Variants in PKN3 observed in about 807,000 individuals in gnomAD.
The protein encoded by PKN3 is protein kinase N3.
A neutral mutation model predicts 113.1 loss-of-function variants in PKN3; 91 were observed. That is an observed-to-expected ratio of 0.80 (90% CI 0.68 to 0.96). The LOEUF (loss-of-function observed/expected upper bound fraction) is 0.96, where lower values mean the gene tolerates loss of function less well. PKN3 is among the 40% of genes least tolerant of loss of function. PKN3 has a pLI of 0.00. For missense variants in PKN3, 1,052 were observed against 1,202.2 expected (o/e 0.88, Z 1.85); for synonymous variants, 467 against 499.0 (o/e 0.94, Z 0.85).
At chr9:128,713,459 G>A (rs763918911) in intron 8 of PKN3, 40 bp from the exon 9 acceptor site, 19 of 1,613,386 alleles carry the variant, frequency 1.2e-5, no homozygotes, top group Admixed American at 3.3e-5. Flanking sequence ...GTCGGGGCTC[G>A]TTCTGCACCC....
In PKN3 at chr9:128,713,101, G is replaced by T; in HGVS notation, c.885G>T (p.Val295=). 6.2e-7 allele frequency: 1 copy of T among 1,612,128 alleles called. No individual in the cohort carries two copies. The highest frequency in any genetic ancestry group is 8.5e-7 in the Non-Finnish European group (1 of 1,179,316). ...LLGCEQLLTA[V]PGRSPAAALA... ...GCTGTGAACAGTTGCTGACAGCCGT[G>T]CCTGGGCGCTCCCCAGCGGCCGCAC... Residue 295 remains valine, a synonymous_variant, in exon 7 of 22, where the codon GTG becomes GTT. Coordinates refer to ENST00000291906, the MANE Select transcript of PKN3 (RefSeq NM_013355.5).
chr9:128,703,310 G>T (rs1246332116), intron 1 of PKN3: 17 of 932,310 alleles, frequency 1.8e-5, no homozygotes, highest in Non-Finnish European at 2.2e-5. Context: ...ATAGAAAGGC[G>T]GGGCACAGGG....
Position 128,707,289 on chromosome 9 carries a change from T to A in PKN3, c.719T>A (p.Leu240Gln). The A allele has an allele frequency of 6.2e-7, 1 of 1,613,822 alleles. No individual in the cohort carries two copies. The highest frequency in any genetic ancestry group is 8.5e-7 in the Non-Finnish European group (1 of 1,179,818). ...CTGCGCCTGGCCTTGGAGCAGCTGC[T>A]GGAGCAACTGCCTCCTGCCCACCCT... ...DLLRLALEQL[L>Q]EQLPPAHPLR... Residue 240 changes from leucine to glutamine, a missense_variant, in exon 6 of 22, where the codon CTG (leucine) becomes CAG (glutamine). Physicochemically the swap from Leu to Gln is moderately radical, Grantham distance 113. Coordinates refer to ENST00000291906, the MANE Select transcript of PKN3 (RefSeq NM_013355.5).
intron 15 of PKN3, among the ~76,000 whole-genome samples, chr9:128,716,317 G>A (rs769598100): frequency 4.3e-5 from 6 of 140,266 alleles, no homozygotes; most frequent in African/African-American, 7.9e-5. Context: ...AAAAAAAAAG[G>A]CTGGGCGCAC....
At chr9:128,707,504 GC>G in intron 6 of PKN3, 99 bp downstream of exon 6, 1 of 995,476 alleles carries the variant, frequency 1.0e-6, no homozygotes, top group Non-Finnish European at 1.5e-6. Flanking sequence ...TTCCAGTCCT[GC>G]CCCAGCACCC....
At position 128,715,046 on chromosome 9, in the gene PKN3, T is replaced by C; in HGVS notation, c.1653-126T>C. Reference sequence around the variant, plus strand: ...TATGCCGGCTTCTAGGAGTCCTTACTGCAGGGCTTTTTCGAGCCCATAGGT... The same window carrying C: ...TATGCCGGCTTCTAGGAGTCCTTACCGCAGGGCTTTTTCGAGCCCATAGGT... On this transcript the variant is annotated intron_variant, in intron 13 of 21. Transcript: ENST00000291906. This position sits in a 1 kb window ranked among gnomAD's most constrained non-coding sequence, Gnocchi z 4.1. 1.8e-6 allele frequency: 2 copies of C among 1,132,564 alleles called. No homozygotes were observed. The highest frequency in any genetic ancestry group is 2.6e-6 in the Non-Finnish European group (2 of 758,986). The allele number at this position is 1,132,564 out of a possible 1,614,324, so 70.2% of individuals were successfully genotyped here.
At position 128,714,840 on chromosome 9, in the gene PKN3, C is replaced by G. The variant is rs747752598; in HGVS notation, c.1627C>G (p.Pro543Ala). Residue 543 changes from proline to alanine, a missense_variant, in exon 13 of 22, where the codon CCA becomes GCA. Transcript: ENST00000291906. ...PHMEPRTRRGPSPPASPTRKP... is the reference protein window; with the variant it reads ...PHMEPRTRRGASPPASPTRKP... ...TATGGAGCCTAGGACTCGACGTGGG[C>G]CATCTCCACCAGCCTCCCCCACCAG... 1.9e-6 allele frequency: 3 copies of G among 1,613,966 alleles called. 1 individual carries two copies. The highest frequency in any genetic ancestry group is 2.2e-5 in the South Asian group (2 of 91,076).
rs1862306907 is a variant in PKN3, at chr9:128,715,297, G to A, written c.1716+62G>A. 12 of 1,607,530 alleles carry A rather than the reference G, an allele frequency of 7.5e-6. No individual in the cohort carries two copies. In the South Asian group the frequency reaches 7.7e-5, roughly 10 times the overall value. On this transcript the variant is annotated intron_variant, in intron 14 of 21. Coordinates refer to ENST00000291906, the MANE Select transcript of PKN3 (RefSeq NM_013355.5). This position sits in a 1 kb window ranked among gnomAD's most constrained non-coding sequence, Gnocchi z 4.1. ...GGGGCCTCATCACATGAGCCGGGAG[G>A]ACCTGATCTGTGGGGGCGGTAAAGG... is the stretch of plus-strand genomic sequence containing the variant.
chr9:128,718,521 T>C (rs755864757), intron 17 of PKN3, 28 bp from the exon 18 acceptor site: 1 of 1,608,136 alleles, frequency 6.2e-7, no homozygotes, highest in Non-Finnish European at 8.5e-7. Context: ...CCCCACTCAG[T>C]CCCTTTGATC....
chr9:128,705,730 A>G lies in PKN3; in HGVS notation c.266-4A>G. On this transcript the variant is annotated splice_polypyrimidine_tract_variant and splice_region_variant and intron_variant, in intron 2 of 21. Coordinates refer to ENST00000291906, the MANE Select transcript of PKN3 (RefSeq NM_013355.5). ...ACTCCTGTGCTCGATACCCCCGTGCACAGAGCCTGTGGCCTCAGGACCCCG... is the reference window on the plus strand; with the variant it reads ...ACTCCTGTGCTCGATACCCCCGTGCGCAGAGCCTGTGGCCTCAGGACCCCG... The G allele has an allele frequency of 6.2e-7, 1 of 1,601,854 alleles. No homozygotes were observed. The highest frequency in any genetic ancestry group is 8.5e-7 in the Non-Finnish European group (1 of 1,174,406).
intron 1 of PKN3, chr9:128,704,033 G>A: frequency 1.0e-6 from 1 of 979,710 alleles, no homozygotes; most frequent in South Asian, 4.8e-5. Context: ...CTGACAGCTG[G>A]GCCAGCAGGC....
chr9:128,707,125 T>C, intron 5 of PKN3, 97 bp from the exon 6 acceptor site: 6 of 1,588,166 alleles, frequency 3.8e-6, no homozygotes, highest in Non-Finnish European at 5.2e-6. Context: ...AGGACTTCTC[T>C]GTTGAGACTT....
At position 128,702,717 on chromosome 9, in the gene PKN3, GGGTCCCGGGCGCT is replaced by G; in HGVS notation, c.-196_-184del. 1 of 486,562 alleles carries G rather than the reference GGGTCCCGGGCGCT, an allele frequency of 2.1e-6. No individual in the cohort carries two copies. The highest frequency in any genetic ancestry group is 3.6e-6 in the Non-Finnish European group (1 of 279,870). The allele number at this position is 486,562 out of a possible 1,614,324, so 30.1% of individuals were successfully genotyped here. On this transcript the variant is annotated 5_prime_UTR_variant, in exon 1 of 22. An upstream open reading frame in the 5' UTR loses its in-frame stop. Coordinates refer to ENST00000291906, the MANE Select transcript of PKN3 (RefSeq NM_013355.5). ...GCTGGGGCGCGGGACCTCGGGCGTG[GGGTCCCGGGCGCT>G]GGATCGGCGCGGACGGGAGGCGGCG...
intron 9 of PKN3, 114 bp from the exon 10 acceptor site, chr9:128,713,932 G>T (rs1862258029): frequency 2.8e-6 from 3 of 1,073,926 alleles, no homozygotes; most frequent in Non-Finnish European, 2.8e-6. Flanking sequence ...GGTCTTTCTG[G>T]CTCTTGCATC....
chr9:128,713,757 G>A, intron 9 of PKN3, 115 bp downstream of exon 9: 2 of 1,123,838 alleles, frequency 1.8e-6, no homozygotes, highest in East Asian at 2.5e-5. Flanking sequence ...AGAGAGGAGG[G>A]CTCCAGGAAT....
intron 9 of PKN3, 62 bp downstream of exon 9, chr9:128,713,704 T>C: frequency 6.5e-7 from 1 of 1,537,886 alleles, no homozygotes. Flanking sequence ...CAGGAAGGCC[T>C]TCAAGACCGA....
chr9:128,714,696 G>A (rs1335204927), intron 12 of PKN3, 32 bp downstream of exon 12: 10 of 1,336,656 alleles, frequency 7.5e-6, no homozygotes, highest in Non-Finnish European at 1.1e-5. Flanking sequence ...TGGCTCCTAG[G>A]GCCGGCTGGG....
At chr9:128,709,290 A>AC (rs1290290828) in intron 6 of PKN3, among the ~76,000 whole-genome samples, 3 of 50,160 alleles carry the variant, frequency 6.0e-5, no homozygotes, top group Non-Finnish European at 2.2e-4. Context: ...TCTCAAAAAA[A>AC]AATAAAAAAA....
chr9:128,715,562 G>A lies in PKN3; in HGVS notation c.1808+102G>A. On this transcript the variant is annotated intron_variant, in intron 15 of 21. Coordinates refer to ENST00000291906, the MANE Select transcript of PKN3 (RefSeq NM_013355.5). This position sits in a 1 kb window ranked among gnomAD's most constrained non-coding sequence, Gnocchi z 4.1. ...GGGCTTTGGAGAGGTGACCCCGTGG[G>A]GCCAGCCAGCCTGCATTCTCTTTTG... 1.3e-6 allele frequency: 1 copy of A among 794,380 alleles called. No individual in the cohort carries two copies. Among genetic ancestry groups the A allele is most frequent in the Non-Finnish European group, 2.1e-6 (1 of 477,078 alleles). 49.2% of individuals were successfully genotyped at this position (794,380 alleles called of 1,614,324 possible).
Sources: gnomAD v4.1 joint callset for allele counts (sites outside exome capture counted in the v4.1 genomes callset) on GRCh38, gnomAD v4.1.1 for gene constraint, Gnocchi (gnomAD v3.1) non-coding constraint, MANE v1.5 for transcripts, NCBI Gene and HGNC (gene_info 2026-07-23, HGNC 2026-07-21) for gene names.